Variants in ANKLE2 observed in about 807,000 individuals in gnomAD.
ANKLE2 encodes ankyrin repeat and LEM domain-containing protein 2.
A neutral mutation model predicts 84.2 loss-of-function variants in ANKLE2; 55 were observed. That is an observed-to-expected ratio of 0.65 (90% CI 0.53 to 0.82). The LOEUF is 0.82. Among genes scored for constraint, ANKLE2 ranks in the 40% least tolerant of loss-of-function variants. The pLI is 0.00. For missense variants in ANKLE2, 1,238 were observed against 1,201.9 expected (o/e 1.03, Z -0.44); for synonymous variants, 551 against 486.1 (o/e 1.13, Z -1.76).
At position 132,728,078 on chromosome 12, in the gene ANKLE2, T is replaced by G; in HGVS notation, c.2569A>C (p.Arg857=). Residue 857 remains arginine (R), a synonymous_variant, in exon 12 of 13, where the codon AGA becomes CGA. Transcript: ENST00000357997. The part of the protein sequence containing the change: ...VDPHQFPAVH[R]WKSAVLCYSP... ...TAGCACAGGACAGCACTCTTCCATC[T>G]GTGCACGGCCGGGAACTGATGGGGG... The G allele has an allele frequency of 6.2e-7, 1 of 1,612,890 alleles. No homozygotes were observed. The highest frequency in any genetic ancestry group is 8.5e-7 in the Non-Finnish European group (1 of 1,179,932).
rs1451024085 is a variant in ANKLE2, at chr12:132,754,847, ATC to A, written c.466_467del (p.Asp156PhefsTer25). 2 of 1,613,826 alleles carry A rather than the reference ATC, an allele frequency of 1.2e-6. No individual in the cohort carries two copies. The highest frequency in any genetic ancestry group is 1.3e-5 in the African/African-American group (1 of 74,790). Reference protein sequence around the residue: ...TDQAGFSEDRDFGYSVGLNPP... With the variant: ...TDQAGFSEDRXFGYSVGLNPP... Reference sequence around the variant, plus strand: ...GATTCAGGCCCACACTGTAACCAAAATCTCTGTCTTCAGAAAAACCAGCCTGA... The same window carrying A: ...GATTCAGGCCCACACTGTAACCAAAATCTGTCTTCAGAAAAACCAGCCTGA... On this transcript the variant is annotated frameshift_variant, in exon 2 of 13. Transcript: ENST00000357997. LOFTEE classifies it high-confidence loss of function.
intron 10 of ANKLE2, chr12:132,731,262 G>C (rs2043839079): frequency 1.3e-5 from 2 of 152,340 alleles, no homozygotes; most frequent in African/African-American, 4.8e-5. Flanking sequence ...CTTTACAGAA[G>C]TGAGTTCTGT....
At chr12:132,738,081 G>A (rs1225013444) in intron 7 of ANKLE2, 1 of 152,080 alleles carries the variant, frequency 6.6e-6, no homozygotes, top group Non-Finnish European at 1.5e-5. Flanking sequence ...TGCTTCTCTT[G>A]TAGTTTATCA....
chr12:132,742,230 C>G (rs2044140498), intron 6 of ANKLE2: 1 of 156,814 alleles, frequency 6.4e-6, no homozygotes, highest in African/African-American at 2.4e-5. Flanking sequence ...CAAAAAGAAT[C>G]ACATGTATGC....
chr12:132,741,659 T>C (rs1222228385), intron 6 of ANKLE2, 174 bp from the exon 7 acceptor site: 1 of 693,078 alleles, frequency 1.4e-6, no homozygotes, highest in East Asian at 2.7e-5. Context: ...TTTCTAAAAG[T>C]CTAAGGAGAC....
intron 1 of ANKLE2, chr12:132,759,355 T>C (rs1464986751): frequency 6.6e-6 from 1 of 152,184 alleles, no homozygotes; most frequent in Non-Finnish European, 1.5e-5. Flanking sequence ...TATGGGTTTT[T>C]GTGTGAAAAT....
chr12:132,752,201 G>A (rs1456231935), intron 2 of ANKLE2, among the ~76,000 whole-genome samples: 6 of 152,070 alleles, frequency 3.9e-5, no homozygotes, highest in East Asian at 1.9e-4. Context: ...TTAGCCGGGC[G>A]TGGTGGCACA....
intron 6 of ANKLE2, chr12:132,741,986 G>GA (rs1231429601): frequency 1.4e-5 from 5 of 358,276 alleles, no homozygotes; most frequent in Non-Finnish European, 2.7e-5. Flanking sequence ...ACTTTTGCTA[G>GA]AAACTATAGA....
chr12:132,744,016 C>T (rs1355893953), intron 5 of ANKLE2, among the ~76,000 whole-genome samples: 6 of 152,234 alleles, frequency 3.9e-5, no homozygotes, highest in African/African-American at 1.2e-4. Context: ...TGCTGCATCG[C>T]GCCCTGGCTG....
Position 132,729,312 on chromosome 12 carries a change from C to T in ANKLE2, c.2483+367G>A, listed in dbSNP as rs78563920. Among the ~76,000 whole-genome samples, 952 of 119,008 alleles carry T rather than the reference C, an allele frequency of 8.0e-3. 21 individuals are homozygous for T. The highest frequency in any genetic ancestry group is 0.063 in the South Asian group (193 of 3,074). 78.1% of individuals were successfully genotyped at this position (119,008 alleles called of 152,430 possible). A position where few individuals can be genotyped will look rare whatever the true frequency, so the allele number is the denominator to read the frequency against. On this transcript the variant is annotated intron_variant, in intron 11 of 12. Transcript: ENST00000357997. ...GTTACAGTGAGCTGTGATCGCACCA[C>T]TGCACTCCAGCCTAGGCGACAGAGC... is the stretch of plus-strand genomic sequence containing the variant.
chr12:132,728,002 C>A (rs747102848), intron 12 of ANKLE2, 30 bp downstream of exon 12: 2 of 1,574,204 alleles, frequency 1.3e-6, no homozygotes, highest in South Asian at 1.2e-5. Context: ...AGCTGCCCTG[C>A]GGGTGACAGG....
chr12:132,749,313 G>A (rs955946348), intron 3 of ANKLE2, among the ~76,000 whole-genome samples: 1 of 151,850 alleles, frequency 6.6e-6, no homozygotes, highest in Non-Finnish European at 1.5e-5. Flanking sequence ...CTGCCACCAC[G>A]GCCAGCTAAT....
chr12:132,744,484 T>C (rs1006832567), intron 5 of ANKLE2, among the ~76,000 whole-genome samples: 1 of 152,072 alleles, frequency 6.6e-6, no homozygotes, highest in African/African-American at 2.4e-5. Flanking sequence ...CTCCACTCCC[T>C]GGCAACACAG....
At chr12:132,753,313 C>T (rs1372755871) in intron 2 of ANKLE2, among the ~76,000 whole-genome samples, 1 of 151,532 alleles carries the variant, frequency 6.6e-6, no homozygotes, top group Non-Finnish European at 1.5e-5. Context: ...AGAGAGAGAC[C>T]CCAGTCTCAA....
At chr12:132,734,274 G>T in intron 10 of ANKLE2, 111 bp downstream of exon 10, 1 of 1,168,040 alleles carries the variant, frequency 8.6e-7, no homozygotes, top group Non-Finnish European at 1.2e-6. Flanking sequence ...GAAAGTACCA[G>T]ACCTTTACGT....
intron 10 of ANKLE2, among the ~76,000 whole-genome samples, chr12:132,732,854 T>A (rs544066621): frequency 7.5e-5 from 10 of 133,276 alleles, no homozygotes; most frequent in African/African-American, 2.6e-4. Context: ...TGGTGTCTGA[T>A]ATGCACCGTG....
At position 132,727,408 on chromosome 12, in the gene ANKLE2, G is replaced by A; in HGVS notation, c.2651C>T (p.Ser884Phe). Residue 884 changes from serine (S) to phenylalanine (F), a missense_variant, in exon 13 of 13, where the codon TCT becomes TTT. By Grantham distance (155) the Ser-to-Phe change is radical. Transcript: ENST00000357997. ...AGGGCCACTGAGATCTGGCAGCTGA[G>A]ACTTGAACCTTCCTTTCACCGCGGG... ...PSPAVKGRFKSQLPDLSGPHS... is the reference protein window; with the variant it reads ...PSPAVKGRFKFQLPDLSGPHS... 6.4e-7 allele frequency: 1 copy of A among 1,560,954 alleles called. No individual in the cohort carries two copies. The highest frequency in any genetic ancestry group is 8.7e-7 in the Non-Finnish European group (1 of 1,152,362).
At chr12:132,760,618 G>A (rs1280947111) in intron 1 of ANKLE2, 2 of 152,224 alleles carry the variant, frequency 1.3e-5, no homozygotes, top group East Asian at 1.9e-4. Context: ...AGAGTATAAA[G>A]GATTACAAAG....
At chr12:132,750,495 G>A (rs1408296896) in intron 3 of ANKLE2, 148 bp downstream of exon 3, 2 of 756,752 alleles carry the variant, frequency 2.6e-6, no homozygotes, top group Non-Finnish European at 4.3e-6. Context: ...ACGAGCATCA[G>A]AGCCAGCATG....
Sources: allele counts gnomAD v4.1 joint callset (sites outside exome capture counted in the v4.1 genomes callset), GRCh38; gene constraint gnomAD v4.1.1; transcripts MANE v1.5; gene names NCBI Gene and HGNC (gene_info 2026-07-23, HGNC 2026-07-21).